PTPRG: variants seen among roughly 807,000 people sequenced by gnomAD.
The protein encoded by PTPRG is receptor-type tyrosine-protein phosphatase gamma.
Under a neutral mutation model 165.3 loss-of-function variants are expected in PTPRG, and 102 were observed. The ratio of observed to expected loss-of-function variants is 0.62; its 90% confidence interval spans 0.53 to 0.73. The LOEUF is 0.73. PTPRG is among the 30% of genes least tolerant of loss of function. PTPRG has a pLI of 0.00. For missense variants in PTPRG, 1,866 were observed against 1,861.4 expected, an observed-to-expected ratio of 1.00 and a Z score of -0.05; for synonymous variants, 675 against 669.5, an observed-to-expected ratio of 1.01 and a Z score of -0.13.
chr3:61,648,546 A>C (rs545729325), intron 1 of PTPRG, among the ~76,000 whole-genome samples: 10 of 152,320 alleles, frequency 6.6e-5, no homozygotes, highest in African/African-American at 2.4e-4. Context: ...AGACAAAGGC[A>C]TTTCATTTTT....
At chr3:62,176,593 A>G (rs577909162) in intron 8 of PTPRG, among the ~76,000 whole-genome samples, 2 of 152,156 alleles carry the variant, frequency 1.3e-5, no homozygotes, top group Middle Eastern at 3.4e-3. Context: ...CCTTCCTAAA[A>G]GTCATCACTG....
chr3:61,778,684 C>G (rs1214746500), intron 2 of PTPRG, among the ~76,000 whole-genome samples: 1 of 152,058 alleles, frequency 6.6e-6, no homozygotes, highest in African/African-American at 2.4e-5. Flanking sequence ...GTGAACACAT[C>G]AATAGATAGT....
chr3:62,020,566 C>G (rs1275866706), intron 4 of PTPRG, among the ~76,000 whole-genome samples: 1 of 152,102 alleles, frequency 6.6e-6, no homozygotes, highest in African/African-American at 2.4e-5. Context: ...GCCAATATGA[C>G]TTCATAAACT....
At position 61,812,418 on chromosome 3, in the gene PTPRG, C is replaced by A. The variant is rs184564085; in HGVS notation, c.190+63436C>A. ...TAATAATCTTTCACACTTTGAAGATCATTCAAAACGGGTATGTACATTTTT... is the reference window on the plus strand; with the variant it reads ...TAATAATCTTTCACACTTTGAAGATAATTCAAAACGGGTATGTACATTTTT... On this transcript the variant is annotated intron_variant, in intron 2 of 29. Coordinates refer to ENST00000474889, the MANE Select transcript of PTPRG (RefSeq NM_002841.4). 5.3e-5 allele frequency among the ~76,000 whole-genome samples: 8 copies of A among 152,264 alleles called. No homozygotes were observed. In the East Asian group the frequency reaches 1.5e-3, roughly 29 times the overall value.
At chr3:61,791,271 A>G (rs1208595787) in intron 2 of PTPRG, among the ~76,000 whole-genome samples, 2 of 152,110 alleles carry the variant, frequency 1.3e-5, no homozygotes, top group Non-Finnish European at 2.9e-5. Context: ...TTTACAATGT[A>G]TTGTTTCTTA....
intron 8 of PTPRG, among the ~76,000 whole-genome samples, chr3:62,188,595 T>C (rs1370083473): frequency 6.6e-6 from 1 of 152,198 alleles, no homozygotes; most frequent in Non-Finnish European, 1.5e-5. Flanking sequence ...TTAAAAAATA[T>C]TAACATGAAT....
chr3:61,785,924 T>A (rs1446190616), intron 2 of PTPRG, among the ~76,000 whole-genome samples: 1 of 152,154 alleles, frequency 6.6e-6, no homozygotes, highest in Non-Finnish European at 1.5e-5. Flanking sequence ...TTTGTTCTTT[T>A]CCTTGGATTC....
At chr3:61,617,641 C>T (rs898056690) in intron 1 of PTPRG, among the ~76,000 whole-genome samples, 1 of 152,190 alleles carries the variant, frequency 6.6e-6, no homozygotes, top group African/African-American at 2.4e-5. Context: ...TTCAACCTCC[C>T]TCTTGCCTTC....
intron 4 of PTPRG, among the ~76,000 whole-genome samples, chr3:62,015,341 G>C (rs1422036264): frequency 2.6e-5 from 4 of 152,272 alleles, no homozygotes; most frequent in Admixed American, 2.0e-4. Flanking sequence ...AGTGATAGGA[G>C]GTGCGGTCAG....
chr3:61,693,898 C>T (rs2030383840), intron 1 of PTPRG, among the ~76,000 whole-genome samples: 1 of 151,602 alleles, frequency 6.6e-6, no homozygotes, highest in African/African-American at 2.4e-5. Context: ...GTCCCAGCTA[C>T]TCGGGAGGCT....
intron 5 of PTPRG, among the ~76,000 whole-genome samples, chr3:62,119,236 G>A (rs1454306625): frequency 3.3e-5 from 5 of 152,214 alleles, no homozygotes; most frequent in Admixed American, 6.5e-5. Flanking sequence ...CTCAGCTGAC[G>A]CAACCAGTTG....
intron 1 of PTPRG, among the ~76,000 whole-genome samples, chr3:61,563,033 A>G (rs1699803079): frequency 6.6e-6 from 1 of 151,772 alleles, no homozygotes; most frequent in Non-Finnish European, 1.5e-5. Context: ...GGCAGGGCGC[A>G]GGCGGTTTCG....
Position 62,296,481 on chromosome 3 carries a change from T to C in PTPRG, c.*3174T>C, listed in dbSNP as rs1703066998. On this transcript the variant is annotated 3_prime_UTR_variant, in exon 30 of 30. Transcript: ENST00000474889. ...ATTTACCAAAGATACATATTACTAA[T>C]TCTAAGCAAAACTAAAAAAAAAACC... The C allele has an allele frequency of 6.6e-6, 1 of 151,762 alleles. No homozygotes were observed. Among genetic ancestry groups the C allele is most frequent in the Non-Finnish European group, 1.5e-5 (1 of 67,952 alleles). 9.4% of individuals were successfully genotyped at this position (151,762 alleles called of 1,614,324 possible). A position where few individuals can be genotyped will look rare whatever the true frequency, so the allele number is the denominator to read the frequency against.
At chr3:62,072,076 A>C (rs1701226506) in intron 4 of PTPRG, among the ~76,000 whole-genome samples, 1 of 152,212 alleles carries the variant, frequency 6.6e-6, no homozygotes, top group Non-Finnish European at 1.5e-5. Context: ...AACTGGAATT[A>C]TTTTAAATGT....
intron 9 of PTPRG, among the ~76,000 whole-genome samples, chr3:62,194,475 T>C (rs945374314): frequency 2.0e-5 from 3 of 152,204 alleles, no homozygotes; most frequent in African/African-American, 7.2e-5. Flanking sequence ...CCTTGCATCA[T>C]GCCCCATACT....
At chr3:62,184,869 C>A (rs907969503) in intron 8 of PTPRG, among the ~76,000 whole-genome samples, 3 of 152,120 alleles carry the variant, frequency 2.0e-5, no homozygotes, top group Non-Finnish European at 4.4e-5. Flanking sequence ...TGGCCAGTTG[C>A]GTCGGGTGTG....
chr3:62,292,557 G>GT lies in PTPRG; in HGVS notation c.4191+2dup. On this transcript the variant is annotated splice_donor_variant, in intron 29 of 29. Transcript: ENST00000474889. LOFTEE classifies it high-confidence loss of function. ...GAGGCCTGGAGTATTCACAGACATT[G>GT]TAAGTAGTTTGCTTATGTGTAAAAC... The GT allele has an allele frequency of 6.2e-7, 1 of 1,612,832 alleles. No homozygotes were observed. Among genetic ancestry groups the GT allele is most frequent in the Non-Finnish European group, 8.5e-7 (1 of 1,179,334 alleles).
At position 62,224,697 on chromosome 3, in the gene PTPRG, G is replaced by C. The variant is rs1700722603; in HGVS notation, c.2288+5714G>C. ...CTAAAAACCATGAGCAGAAACCTCG[G>C]ATACCTGTATGTCTGAGAGACCTCA... On this transcript the variant is annotated intron_variant, in intron 13 of 29. Transcript: ENST00000474889. The surrounding 1 kb of genome is among the most constrained non-coding windows in gnomAD (Gnocchi z 4.9). Among the ~76,000 whole-genome samples, 1 of 152,178 alleles carries C rather than the reference G, an allele frequency of 6.6e-6. No individual in the cohort carries two copies.
chr3:62,101,375 C>T (rs1229284066), intron 5 of PTPRG, among the ~76,000 whole-genome samples: 1 of 152,220 alleles, frequency 6.6e-6, no homozygotes, highest in African/African-American at 2.4e-5. Flanking sequence ...AAAATTCCGA[C>T]AGGCCATCAC....
Sources: allele counts gnomAD v4.1 joint callset (sites outside exome capture counted in the v4.1 genomes callset), GRCh38; gene constraint gnomAD v4.1.1; non-coding constraint Gnocchi (gnomAD v3.1); transcripts MANE v1.5; gene names NCBI Gene and HGNC (gene_info 2026-07-23, HGNC 2026-07-21).